Variants in RSU1 observed in about 807,000 individuals in gnomAD.
RSU1 encodes rsu-1.
Under a neutral mutation model 31.1 loss-of-function variants are expected in RSU1, and 26 were observed. That is an observed-to-expected ratio of 0.84 (90% confidence interval 0.61 to 1.16). RSU1 has a LOEUF of 1.16. RSU1 is among the 50% of genes most tolerant of loss of function. The pLI is 0.00. For synonymous variants in RSU1, 164 were observed against 136.3 expected (o/e 1.20, Z -1.41); for missense variants, 320 against 339.1 (o/e 0.94, Z 0.44).
intron 3 of RSU1, among the ~76,000 whole-genome samples, chr10:16,776,809 A>T (rs997662724): frequency 1.7e-5 from 2 of 115,518 alleles, no homozygotes; most frequent in East Asian, 2.4e-4. Context: ...CACAAAATTT[A>T]AAAAAAAAAA....
chr10:16,716,144 GAA>G (rs1836135487), intron 7 of RSU1, among the ~76,000 whole-genome samples: 4 of 152,142 alleles, frequency 2.6e-5, no homozygotes, highest in Admixed American at 2.0e-4. Flanking sequence ...TATGGAAACT[GAA>G]ACTATCTCAG....
intron 7 of RSU1, among the ~76,000 whole-genome samples, chr10:16,697,653 G>C (rs1308352096): frequency 7.0e-6 from 1 of 143,078 alleles, no homozygotes; most frequent in Admixed American, 7.1e-5. Context: ...AACAGAGCAA[G>C]ACTGTCTTAA....
intron 8 of RSU1, among the ~76,000 whole-genome samples, chr10:16,675,495 T>C (rs1008383781): frequency 6.6e-6 from 1 of 152,106 alleles, no homozygotes; most frequent in African/African-American, 2.4e-5. Flanking sequence ...CTGTGGACAG[T>C]AACAAGGGGA....
chr10:16,784,005 TTC>T (rs376584862), intron 2 of RSU1, among the ~76,000 whole-genome samples: 12 of 152,212 alleles, frequency 7.9e-5, no homozygotes, highest in African/African-American at 2.7e-4. Context: ...AGCTGAGAAT[TTC>T]TCTTTCCTTG....
chr10:16,720,649 G>A (rs1047547021), intron 7 of RSU1, among the ~76,000 whole-genome samples: 3 of 152,190 alleles, frequency 2.0e-5, no homozygotes, highest in Non-Finnish European at 2.9e-5. Context: ...TACTCTTAAG[G>A]AATGCAACAC....
chr10:16,669,775 T>C (rs961386252), intron 8 of RSU1, among the ~76,000 whole-genome samples: 1 of 152,190 alleles, frequency 6.6e-6, no homozygotes, highest in Admixed American at 6.5e-5. Flanking sequence ...TATATTATGG[T>C]TGCGTAGTAT....
At chr10:16,660,358 A>T (rs1294211130) in intron 8 of RSU1, among the ~76,000 whole-genome samples, 1 of 152,138 alleles carries the variant, frequency 6.6e-6, no homozygotes, top group Non-Finnish European at 1.5e-5. Context: ...TGAGAAATAA[A>T]GTCCTTTGTG....
At chr10:16,633,792 C>CA (rs956846024) in intron 8 of RSU1, among the ~76,000 whole-genome samples, 11 of 152,100 alleles carry the variant, frequency 7.2e-5, no homozygotes, top group African/African-American at 2.7e-4. Context: ...GAGTCCCTTC[C>CA]AAAAAGGCAG....
At chr10:16,701,754 A>C (rs1835799722) in intron 7 of RSU1, among the ~76,000 whole-genome samples, 1 of 152,208 alleles carries the variant, frequency 6.6e-6, no homozygotes, top group African/African-American at 2.4e-5. Context: ...GAAGAAAAAT[A>C]GCATTTTACA....
intron 7 of RSU1, among the ~76,000 whole-genome samples, chr10:16,703,159 C>A (rs547215667): frequency 6.6e-6 from 1 of 152,164 alleles, no homozygotes; most frequent in Non-Finnish European, 1.5e-5. Context: ...CCCCAGAAGC[C>A]GAGCAGATGC....
chr10:16,630,363 C>T (rs1392246570), intron 8 of RSU1, among the ~76,000 whole-genome samples: 1 of 152,178 alleles, frequency 6.6e-6, no homozygotes, highest in African/African-American at 2.4e-5. Context: ...GTTCTTTCTC[C>T]ACTAATATTT....
At chr10:16,610,120 T>C (rs1833868811) in intron 8 of RSU1, among the ~76,000 whole-genome samples, 1 of 152,238 alleles carries the variant, frequency 6.6e-6, no homozygotes, top group Non-Finnish European at 1.5e-5. Context: ...TGATGATGAA[T>C]AATTTAGTAA....
chr10:16,674,175 G>C (rs1019572069), intron 8 of RSU1, among the ~76,000 whole-genome samples: 1 of 152,042 alleles, frequency 6.6e-6, no homozygotes, highest in Non-Finnish European at 1.5e-5. Context: ...CCTGGCCCCC[G>C]ATATTGCCCT....
At chr10:16,770,416 G>C (rs1465253270) in intron 3 of RSU1, among the ~76,000 whole-genome samples, 4 of 152,214 alleles carry the variant, frequency 2.6e-5, no homozygotes, top group African/African-American at 7.2e-5. Flanking sequence ...ACGGCTGCCA[G>C]GAAGCCAGAA....
intron 8 of RSU1, among the ~76,000 whole-genome samples, chr10:16,686,647 T>C (rs1588714891): frequency 6.6e-6 from 1 of 152,144 alleles, no homozygotes; most frequent in Admixed American, 6.5e-5. Flanking sequence ...AGGAGCTGTA[T>C]AAGGCATGCC....
intron 8 of RSU1, among the ~76,000 whole-genome samples, chr10:16,625,793 G>A (rs944832924): frequency 6.6e-6 from 1 of 152,212 alleles, no homozygotes; most frequent in African/African-American, 2.4e-5. Flanking sequence ...CTGGTCTAAG[G>A]AGTAGGAGCA....
intron 8 of RSU1, among the ~76,000 whole-genome samples, chr10:16,633,485 C>T (rs1368224159): frequency 6.6e-6 from 1 of 152,088 alleles, no homozygotes; most frequent in East Asian, 1.9e-4. Context: ...AGAGCTGTTA[C>T]CCCAAGCTAG....
At chr10:16,741,513 T>G (rs1425909596) in intron 7 of RSU1, among the ~76,000 whole-genome samples, 1 of 152,090 alleles carries the variant, frequency 6.6e-6, no homozygotes, top group Non-Finnish European at 1.5e-5. Flanking sequence ...GTATGAATTG[T>G]GTGGTATGAG....
chr10:16,668,438 T>C (rs1351275279), intron 8 of RSU1, among the ~76,000 whole-genome samples: 2 of 152,228 alleles, frequency 1.3e-5, no homozygotes, highest in African/African-American at 4.8e-5. Flanking sequence ...ATATATTACC[T>C]AGCTAGATCG....
Sources: gnomAD v4.1 joint callset for allele counts (sites outside exome capture counted in the v4.1 genomes callset) on GRCh38, gnomAD v4.1.1 for gene constraint, MANE v1.5 for transcripts, NCBI Gene and HGNC (gene_info 2026-07-23, HGNC 2026-07-21) for gene names.